Variants in CCDC110 observed in about 807,000 individuals in gnomAD.
The protein encoded by CCDC110 is coiled-coil domain-containing protein 110.
A neutral mutation model predicts 77.1 loss-of-function variants in CCDC110; 70 were observed. That is an observed-to-expected ratio of 0.91 (90% CI 0.75 to 1.11). The LOEUF is 1.11. Among genes scored for constraint, CCDC110 ranks in the 50% least tolerant of loss-of-function variants. The pLI is 0.00. For missense variants in CCDC110, 868 were observed against 942.9 expected (o/e 0.92, Z 1.04); for synonymous variants, 295 against 312.5 (o/e 0.94, Z 0.59).
At chr4:185,466,745 A>T (rs1005410337) in intron 2 of CCDC110, among the ~76,000 whole-genome samples, 4 of 146,550 alleles carry the variant, frequency 2.7e-5, no homozygotes, top group Admixed American at 6.8e-5. Flanking sequence ...AAGAGAAGGA[A>T]TTTTTTTTTT....
intron 2 of CCDC110, 182 bp downstream of exon 2, chr4:185,470,763 G>A (rs778232749): frequency 1.5e-5 from 10 of 684,412 alleles, no homozygotes; most frequent in African/African-American, 1.4e-4. Context: ...AAAGTGTTGT[G>A]AGAATTAAAC....
chr4:185,458,318 T>C lies in CCDC110; in HGVS notation c.2269A>G (p.Arg757Gly). The change falls in exon 6 of 7, where the codon AGG becomes GGG. Residue 757 changes from arginine to glycine, a missense_variant. Arg to Gly is a moderately radical substitution (Grantham distance 125). Coordinates refer to ENST00000307588, the MANE Select transcript of CCDC110 (RefSeq NM_152775.4). ...CGCATCTCAAATTCCAAGGTATCCC[T>C]TTCATTTTCTATGCTTCTTACGTAA... ...ENYVRSIENE[R>G]DTLEFEMRHL... 1.3e-6 allele frequency: 2 copies of C among 1,592,304 alleles called. No homozygotes were observed. Among genetic ancestry groups the C allele is most frequent in the African/African-American group, 1.4e-5 (1 of 73,618 alleles).
rs147805218 is a variant in CCDC110, at chr4:185,466,101, T to C, written c.116-3052A>G. Among the ~76,000 whole-genome samples, 719 of 152,194 alleles carry C rather than the reference T, an allele frequency of 4.7e-3. 3 individuals are homozygous for C. The highest frequency in any genetic ancestry group is 7.5e-3 in the Non-Finnish European group (510 of 68,004). ...CATCATTCAACATGGATGGGCCGGGTGCAGTGGCTCGCACCTGTAATCCCA... is the reference window on the plus strand; with the variant it reads ...CATCATTCAACATGGATGGGCCGGGCGCAGTGGCTCGCACCTGTAATCCCA... On this transcript the variant is annotated intron_variant, in intron 2 of 6. Coordinates refer to ENST00000307588, the MANE Select transcript of CCDC110 (RefSeq NM_152775.4).
Position 185,459,346 on chromosome 4 carries a change from G to T in CCDC110, c.1241C>A (p.Thr414Asn). The T allele has an allele frequency of 1.9e-6, 3 of 1,611,666 alleles. No homozygotes were observed. Among genetic ancestry groups the T allele is most frequent in the Non-Finnish European group, 2.5e-6 (3 of 1,179,034 alleles). Residue 414 changes from threonine (T) to asparagine (N), a missense_variant, in exon 6 of 7, where the codon ACT becomes AAT. Thr to Asn is a moderately conservative substitution (Grantham distance 65). Coordinates refer to ENST00000307588, the MANE Select transcript of CCDC110 (RefSeq NM_152775.4). ...QGSIISENEK[T>N]SKVNSVTEQC... is the part of the protein sequence containing the mutation. Reference sequence around the variant, plus strand: ...CTCAGTAACGGAATTAACTTTGGAAGTTTTCTCATTTTCAGATATTATTGA... The same window carrying T: ...CTCAGTAACGGAATTAACTTTGGAATTTTTCTCATTTTCAGATATTATTGA...
intron 6 of CCDC110, chr4:185,452,187 G>T (rs1156799088): frequency 2.3e-5 from 23 of 984,678 alleles, no homozygotes; most frequent in Non-Finnish European, 2.8e-5. Flanking sequence ...CTCAGACTCA[G>T]CCATGACACT....
intron 1 of CCDC110, among the ~76,000 whole-genome samples, chr4:185,471,255 T>TCAAGGC: frequency 3.0e-5 from 1 of 33,090 alleles, no homozygotes. Flanking sequence ...GGGGGCGGGT[T>TCAAGGC]TGAAGGCTGG....
Position 185,460,008 on chromosome 4 carries a change from G to A in CCDC110, c.579C>T (p.Ile193=), listed in dbSNP as rs1158942895. 6.2e-7 allele frequency: 1 copy of A among 1,613,382 alleles called. No homozygotes were observed. ...IIIHPSENSD[I]LKNYNNFYRF... ...GATAAAAGTTATTATAATTCTTCAA[G>A]ATGTCAGAATTTTCTGAAGGGTGTA... Residue 193 remains isoleucine, a synonymous_variant, in exon 6 of 7, where the codon ATC becomes ATT. Transcript: ENST00000307588.
rs375548974 is a variant in CCDC110 at position 185,458,376 on chromosome 4, A to G, written c.2211T>C (p.Ser737=). 1.4e-4 allele frequency: 226 copies of G among 1,595,116 alleles called. No individual in the cohort carries two copies. The African/African-American group carries it at 2.6e-3, about 18-fold the overall frequency. The change falls in exon 6 of 7, where the codon AGT becomes AGC. Residue 737 remains serine, a synonymous_variant. Coordinates refer to ENST00000307588, the MANE Select transcript of CCDC110 (RefSeq NM_152775.4). ...QENIKFENSI[S]RLTEDKILLE... ...AAAGTATTTTGTCTTCAGTAAGTCT[A>G]CTGATGCTGTTTTCAAATTTTATAT...
At chr4:185,464,041 G>A (rs959613490) in intron 2 of CCDC110, among the ~76,000 whole-genome samples, 8 of 152,278 alleles carry the variant, frequency 5.3e-5, no homozygotes, top group African/African-American at 9.6e-5. Context: ...GTTTGCAAAT[G>A]CCCTTATATC....
intron 6 of CCDC110, among the ~76,000 whole-genome samples, chr4:185,447,643 T>C (rs2095617828): frequency 6.8e-6 from 1 of 148,114 alleles, no homozygotes; most frequent in Non-Finnish European, 1.5e-5. Context: ...GACATCTGTA[T>C]TAAGCCATGT....
At position 185,470,954 on chromosome 4, in the gene CCDC110, T is replaced by G; in HGVS notation, c.106A>C (p.Ser36Arg). 6.2e-7 allele frequency: 1 copy of G among 1,610,362 alleles called. No individual in the cohort carries two copies. The highest frequency in any genetic ancestry group is 8.5e-7 in the Non-Finnish European group (1 of 1,177,956). Residue 36 changes from serine (S) to arginine (R), a missense_variant, in exon 2 of 7, where the codon AGT (serine) becomes CGT (arginine). Coordinates refer to ENST00000307588, the MANE Select transcript of CCDC110 (RefSeq NM_152775.4). Reference sequence around the variant, plus strand: ...GGTCTGGCGATTTTACCTGTGTCACTGCAGCCACTTTCCTTCACCCCCTCC... The same window carrying G: ...GGTCTGGCGATTTTACCTGTGTCACGGCAGCCACTTTCCTTCACCCCCTCC... The part of the protein sequence containing the change: ...SSEGVKESGC[S>R]DTEYGCIAES...
At position 185,447,539 on chromosome 4, in the gene CCDC110, C is replaced by T. The variant is rs115001354; in HGVS notation, c.2462-1997G>A. ...TGTCCCAAATGGCAAGTGCATAAAG[C>T]GTTTGTCAAGTGAAGTTTTTTCTTG... On this transcript the variant is annotated intron_variant, in intron 6 of 6. Transcript: ENST00000307588. 3.0e-3 allele frequency among the ~76,000 whole-genome samples: 452 copies of T among 152,246 alleles called. 2 individuals are homozygous for T. Among genetic ancestry groups the T allele is most frequent in the African/African-American group, 0.01 (436 of 41,554 alleles).
Position 185,471,685 on chromosome 4 carries a change from G to A in CCDC110, c.-2C>T. The A allele has an allele frequency of 6.5e-7, 1 of 1,548,992 alleles. No homozygotes were observed. The highest frequency in any genetic ancestry group is 8.7e-7 in the Non-Finnish European group (1 of 1,151,756). On this transcript the variant is annotated 5_prime_UTR_variant, in exon 1 of 7. Transcript: ENST00000307588. The stretch of plus-strand genomic sequence containing the variant: ...CGTCCAACTCTTACCCGGGCTCATC[G>A]CCGCGGCTCATCTCTCTCGCAACCG...
chr4:185,445,760 T>C (rs2095608920), intron 6 of CCDC110, among the ~76,000 whole-genome samples: 1 of 152,218 alleles, frequency 6.6e-6, no homozygotes, highest in African/African-American at 2.4e-5. Context: ...AGTACATCTT[T>C]AACACTTGGG....
In CCDC110 at chr4:185,445,511, C is replaced by T; in HGVS notation, c.2493G>A (p.Lys831=). 6.3e-7 allele frequency: 1 copy of T among 1,577,398 alleles called. No homozygotes were observed. Among genetic ancestry groups the T allele is most frequent in the Non-Finnish European group, 8.7e-7 (1 of 1,153,314 alleles). ...GCAATCTTGAGGAATCCTAATGATGCTTGAGAGTTCTGTCTTTAACTTTGA... is the reference window on the plus strand; with the variant it reads ...GCAATCTTGAGGAATCCTAATGATGTTTGAGAGTTCTGTCTTTAACTTTGA... ...GYFKVKDRTL[K]HH The change falls in exon 7 of 7, where the codon AAG becomes AAA. Residue 831 remains lysine (K), a synonymous_variant. Transcript: ENST00000307588.
chr4:185,447,243 A>G (rs1037993573), intron 6 of CCDC110, among the ~76,000 whole-genome samples: 51 of 151,032 alleles, frequency 3.4e-4, no homozygotes, highest in African/African-American at 7.8e-4. Flanking sequence ...ATGCAGTGGC[A>G]CGATCTCGGC....
chr4:185,460,649 G>A (rs1398714047), intron 5 of CCDC110, among the ~76,000 whole-genome samples: 2 of 152,152 alleles, frequency 1.3e-5, no homozygotes, highest in Non-Finnish European at 2.9e-5. Flanking sequence ...ATGATTTTAG[G>A]ACTGTGACTA....
At chr4:185,449,310 CA>C (rs2095624346) in intron 6 of CCDC110, among the ~76,000 whole-genome samples, 2 of 152,040 alleles carry the variant, frequency 1.3e-5, no homozygotes, top group African/African-American at 4.8e-5. Context: ...CGCTTGAGCC[CA>C]GGATTTTAAG....
At chr4:185,462,150 G>A (rs2095647584) in intron 4 of CCDC110, among the ~76,000 whole-genome samples, 2 of 152,152 alleles carry the variant, frequency 1.3e-5, no homozygotes. Context: ...AGAAAGAACT[G>A]GACCTTCTAG....
Sources: allele counts gnomAD v4.1 joint callset (sites outside exome capture counted in the v4.1 genomes callset), GRCh38; gene constraint gnomAD v4.1.1; transcripts MANE v1.5; gene names NCBI Gene and HGNC (gene_info 2026-07-23, HGNC 2026-07-21).